The following TINCR variants were observed in gnomAD, a reference collection of about 807,000 sequenced individuals.
The protein encoded by TINCR is TINCR ubiquitin domain containing.
chr19:5,566,639 CAG>C (rs1369250396), intron 1 of TINCR, among the ~76,000 whole-genome samples: 5 of 147,224 alleles, frequency 3.4e-5, no homozygotes, highest in East Asian at 2.0e-4. Flanking sequence ...GACAAAGAGA[CAG>C]AGAGACAGGG....
At chr19:5,567,563 T>C in intron 1 of TINCR, 102 bp downstream of exon 1, 1 of 371,962 alleles carries the variant, frequency 2.7e-6, no homozygotes, top group Non-Finnish European at 4.8e-6. Flanking sequence ...GGGAAAGCAG[T>C]GCCGGCCCGG....
chr19:5,558,898 A>T (rs1301550366), downstream of TINCR: 1 of 152,162 alleles, frequency 6.6e-6, no homozygotes, highest in Non-Finnish European at 1.5e-5. Context: ...GGAAGAAGAG[A>T]AAAATGGAAG....
intron 1 of TINCR, among the ~76,000 whole-genome samples, 157 bp downstream of exon 1, chr19:5,567,508 C>T (rs937616443): frequency 5.9e-5 from 9 of 152,348 alleles, no homozygotes; most frequent in East Asian, 1.9e-4. Flanking sequence ...GACCTGACAC[C>T]GGCAAGGCCG....
intron 1 of TINCR, 54 bp downstream of exon 1, chr19:5,567,611 C>T (rs1250757741): frequency 1.3e-5 from 5 of 373,242 alleles, no homozygotes; most frequent in African/African-American, 1.1e-4. Context: ...CGCCGCTCTC[C>T]AGGGGTCCCC....
rs2052107952 is a variant in TINCR at position 5,562,752 on chromosome 19, A to C, written c.*95T>G. On this transcript the variant is annotated 3_prime_UTR_variant, in exon 2 of 2. Coordinates refer to ENST00000646160, the Ensembl canonical transcript of TINCR. This position sits in a 1 kb window ranked among gnomAD's most constrained non-coding sequence, Gnocchi z 4.4. ...CTGCAACCTCCGCCTCCCAGACTCA[A>C]GCGATTCTCTTGCCTCAGCCTCCCC... 6.6e-6 allele frequency: 1 copy of C among 152,290 alleles called. No individual in the cohort carries two copies. Among genetic ancestry groups the C allele is most frequent in the African/African-American group, 2.4e-5 (1 of 41,452 alleles). 9.4% of individuals were successfully genotyped at this position (152,290 alleles called of 1,614,324 possible). A position where few individuals can be genotyped will look rare whatever the true frequency, so the allele number is the denominator to read the frequency against.
At chr19:5,564,452 G>A (rs897920938) in intron 1 of TINCR, among the ~76,000 whole-genome samples, 6 of 152,184 alleles carry the variant, frequency 3.9e-5, no homozygotes, top group Admixed American at 2.6e-4. Flanking sequence ...AGGCAGATAG[G>A]GGCCCCTGTC....
chr19:5,561,318 T>G (rs1460122415), downstream of TINCR: 1 of 153,828 alleles, frequency 6.5e-6, no homozygotes, highest in Non-Finnish European at 1.5e-5. Context: ...TGTCAGGGAC[T>G]GGGGCTCCAG....
downstream of TINCR, chr19:5,560,445 G>A (rs1422456715): frequency 2.0e-5 from 3 of 152,208 alleles, no homozygotes; most frequent in African/African-American, 7.2e-5. This position sits in a 1 kb window ranked among gnomAD's most constrained non-coding sequence, Gnocchi z 4.5. Context: ...GACATGCGTA[G>A]CCTCGGCACC....
chr19:5,561,430 G>A (rs2052101655), downstream of TINCR: 1 of 153,398 alleles, frequency 6.5e-6, no homozygotes, highest in South Asian at 2.1e-4. Flanking sequence ...GGGTAAACCC[G>A]TTTCAATCCA....
chr19:5,566,508 G>T (rs1224979435), intron 1 of TINCR, among the ~76,000 whole-genome samples: 4 of 150,670 alleles, frequency 2.7e-5, no homozygotes, highest in Non-Finnish European at 4.4e-5. Context: ...AGAGACAAAA[G>T]AGACAGAGAC....
At position 5,563,231 on chromosome 19, in the gene TINCR, G is replaced by A. The variant is rs1246316719; in HGVS notation, c.261-282C>T. ...GAGCCATGGAGGGCTGCCGGCAGAG[G>A]AGGGACACGCCCCGACTCAGGGGCT... On this transcript the variant is annotated intron_variant, in intron 1 of 1. Transcript: ENST00000646160. This position sits in a 1 kb window ranked among gnomAD's most constrained non-coding sequence, Gnocchi z 4.7. Among the ~76,000 whole-genome samples the A allele has an allele frequency of 2.0e-5, 3 of 151,986 alleles. No individual in the cohort carries two copies. The highest frequency in any genetic ancestry group is 7.2e-5 in the African/African-American group (3 of 41,408).
intron 1 of TINCR, among the ~76,000 whole-genome samples, chr19:5,566,641 G>A (rs1443157546): frequency 6.6e-6 from 1 of 151,790 alleles, no homozygotes; most frequent in African/African-American, 2.4e-5. Context: ...CAAAGAGACA[G>A]AGAGACAGGG....
At chr19:5,558,537 G>A (rs895505346), downstream of TINCR, 3 of 152,334 alleles carry the variant, frequency 2.0e-5, no homozygotes, top group Non-Finnish European at 4.4e-5. Context: ...AAACAGACTG[G>A]GGGAGCAGGA....
downstream of TINCR, chr19:5,560,473 C>T (rs1454328150): frequency 1.3e-5 from 2 of 152,244 alleles, no homozygotes; most frequent in Non-Finnish European, 2.9e-5. This position sits in a 1 kb window ranked among gnomAD's most constrained non-coding sequence, Gnocchi z 4.5. Context: ...CAAAGACCCT[C>T]CCCAGGGGCT....
chr19:5,562,997 G>T lies in TINCR; in HGVS notation c.261-48C>A, dbSNP rs1007856278. The stretch of plus-strand genomic sequence containing the variant: ...ATGGTCAGGGAGGGCTGCAGGAAGA[G>T]AGGGAGTTGGGGACCTGAGGGAACA... On this transcript the variant is annotated intron_variant, in intron 1 of 1. Transcript: ENST00000646160. The surrounding 1 kb of genome is among the most constrained non-coding windows in gnomAD (Gnocchi z 4.4). 2 of 152,440 alleles carry T rather than the reference G, an allele frequency of 1.3e-5. No homozygotes were observed. Among genetic ancestry groups the T allele is most frequent in the African/African-American group, 4.8e-5 (2 of 41,434 alleles). 9.4% of individuals were successfully genotyped at this position (152,440 alleles called of 1,614,324 possible).
chr19:5,567,128 G>A (rs1207845477), intron 1 of TINCR, among the ~76,000 whole-genome samples: 5 of 151,044 alleles, frequency 3.3e-5, no homozygotes, highest in South Asian at 2.1e-4. Flanking sequence ...GATGAGAGAC[G>A]CAGAGATAAA....
At chr19:5,559,577 C>G (rs971810697), downstream of TINCR, 10 of 152,172 alleles carry the variant, frequency 6.6e-5, no homozygotes, top group African/African-American at 2.2e-4. Flanking sequence ...CCTCATGATC[C>G]GCCTGCCTCG....
At chr19:5,567,423 AAGAG>A (rs898696014) in intron 1 of TINCR, among the ~76,000 whole-genome samples, 2 of 152,078 alleles carry the variant, frequency 1.3e-5, no homozygotes, top group East Asian at 1.9e-4. Context: ...ACAGAGACAA[AAGAG>A]AGAGAGGCAG....
rs1599204660 is a variant in TINCR, at chr19:5,567,121, G to A, written c.260+544C>T. Among the ~76,000 whole-genome samples, 3 of 151,884 alleles carry A rather than the reference G, an allele frequency of 2.0e-5. No homozygotes were observed. The East Asian group carries it at 5.8e-4, about 30-fold the overall frequency. ...GAGAGAGAGGTGAGGAGACAAAGAT[G>A]AGAGACGCAGAGATAAAAGAGACAG... is the stretch of plus-strand genomic sequence containing the variant. On this transcript the variant is annotated intron_variant, in intron 1 of 1. Coordinates refer to ENST00000646160, the Ensembl canonical transcript of TINCR.
Sources: allele counts gnomAD v4.1 joint callset (sites outside exome capture counted in the v4.1 genomes callset), GRCh38; gene constraint gnomAD v4.1.1; non-coding constraint Gnocchi (gnomAD v3.1); transcripts MANE v1.5; gene names NCBI Gene and HGNC (gene_info 2026-07-23, HGNC 2026-07-21).